The following AMY2B variants were observed in gnomAD, a reference collection of about 807,000 sequenced individuals.
AMY2B encodes alpha-amylase 2B.
AMY2B carries 63 observed loss-of-function variants against 59.3 expected under a neutral mutation model. The observed-to-expected ratio is 1.06, with a 90% CI of 0.87 to 1.31. AMY2B has a LOEUF of 1.31. Ranked by LOEUF, AMY2B falls within the 50% of genes most tolerant of loss-of-function variation. The probability of loss-of-function intolerance (pLI) is 0.00; values close to 1 mark genes in which losing one functional copy is unlikely to be tolerated. For synonymous variants in AMY2B, 180 were observed against 198.1 expected, an observed-to-expected ratio of 0.91 and a Z score of 0.77; for missense variants, 635 against 626.7, an observed-to-expected ratio of 1.01 and a Z score of -0.14.
At position 103,573,845 on chromosome 1, in the gene AMY2B, G is replaced by A; in HGVS notation, c.651G>A (p.Met217Ile). The stretch of plus-strand genomic sequence containing the variant: ...TCAGACTTGATGCTTCCAAGCACAT[G>A]TGGCCTGGAGACATAAAGGCAATTT... ...AGFRLDASKH[M>I]WPGDIKAILD... Residue 217 changes from methionine (M) to isoleucine (I), a missense_variant, in exon 4 of 10, where the codon ATG becomes ATA. By Grantham distance (10) the Met-to-Ile change is conservative. Transcript: ENST00000684275. 2 of 1,613,864 alleles carry A rather than the reference G, an allele frequency of 1.2e-6. No homozygotes were observed. Among genetic ancestry groups the A allele is most frequent in the Non-Finnish European group, 1.7e-6 (2 of 1,179,782 alleles).
chr1:103,562,683 T>G (rs1277572518), intron 1 of AMY2B, among the ~76,000 whole-genome samples: 1 of 151,380 alleles, frequency 6.6e-6, no homozygotes, highest in Non-Finnish European at 1.5e-5. Flanking sequence ...TTTTTTTTTT[T>G]TTTTTTTGTC....
Position 103,579,499 on chromosome 1 carries a change from A to T in AMY2B, c.1535A>T (p.Ter512LeuextTer?). ...FIAIHAESKL[*>L] ...GCAATTCATGCTGAATCTAAATTAT[A>T]AAATTTAAAATTAAATGCATATCCT... Residue 512 changes from the stop codon to leucine (L), a stop_lost, in exon 10 of 10, where the codon TAA becomes TTA. Transcript: ENST00000684275. 1 of 1,608,726 alleles carries T rather than the reference A, an allele frequency of 6.2e-7. No individual in the cohort carries two copies. Among genetic ancestry groups the T allele is most frequent in the Non-Finnish European group, 8.5e-7 (1 of 1,178,846 alleles).
upstream of AMY2B, chr1:103,571,191 G>A (rs1478949357): frequency 9.7e-5 from 76 of 786,902 alleles, no homozygotes; most frequent in South Asian, 1.4e-4. Flanking sequence ...GCTGTTACTC[G>A]CCTTGAGTTG....
At chr1:103,569,257 C>T (rs1048646056), upstream of AMY2B, 1 of 151,400 alleles carries the variant, frequency 6.6e-6, no homozygotes, top group Non-Finnish European at 1.5e-5. Flanking sequence ...TACACACACG[C>T]ACACACACAC....
chr1:103,579,122 A>G (rs1321830101), intron 9 of AMY2B, among the ~76,000 whole-genome samples, 189 bp from the exon 10 acceptor site: 7 of 152,310 alleles, frequency 4.6e-5, no homozygotes, highest in Middle Eastern at 3.4e-3. Flanking sequence ...GGGAACTGCT[A>G]CATTTTCTGT....
At position 103,572,138 on chromosome 1, in the gene AMY2B, T is replaced by A. The variant is rs1329304054; in HGVS notation, c.197T>A (p.Ile66Asn). Residue 66 changes from isoleucine to asparagine, a missense_variant, in exon 2 of 10, where the codon ATT becomes AAT. Coordinates refer to ENST00000684275, the MANE Select transcript of AMY2B (RefSeq NM_001387437.1). ...QVSPPNENVA[I>N]HNPFRPWWER... ...TCTCCACCAAATGAAAATGTTGCAA[T>A]TCACAACCCTTTCAGACCTTGGTGG... 4.3e-6 allele frequency: 7 copies of A among 1,611,736 alleles called. 1 individual carries two copies. In the South Asian group the frequency reaches 7.7e-5, roughly 18 times the overall value.
At chr1:103,578,825 T>C (rs192985193) in intron 9 of AMY2B, among the ~76,000 whole-genome samples, 3 of 147,412 alleles carry the variant, frequency 2.0e-5, no homozygotes, top group Non-Finnish European at 4.5e-5. Flanking sequence ...CCTTTAAAAA[T>C]TTTTTTTTAA....
chr1:103,576,249 C>T (rs1652348658), intron 7 of AMY2B, among the ~76,000 whole-genome samples: 2 of 152,092 alleles, frequency 1.3e-5, no homozygotes, highest in African/African-American at 2.4e-5. Flanking sequence ...AGCAGAAATT[C>T]CTCCTTCCTC....
exon 1 of AMY2B, chr1:103,555,048 C>T (rs182762025): frequency 3.3e-5 from 5 of 151,788 alleles, no homozygotes; most frequent in East Asian, 1.9e-4. Flanking sequence ...TTTTGAATCC[C>T]GTGTCCTTCA....
At chr1:103,569,469 CAGTA>C (rs1218977239), upstream of AMY2B, 3 of 222,710 alleles carry the variant, frequency 1.3e-5, no homozygotes, top group Non-Finnish European at 9.1e-6. Context: ...AAGATTTTAT[CAGTA>C]AGAAAAAACC....
intron 1 of AMY2B, among the ~76,000 whole-genome samples, chr1:103,559,593 A>G (rs1315902493): frequency 2.6e-5 from 4 of 152,236 alleles, no homozygotes; most frequent in Admixed American, 2.6e-4. Flanking sequence ...TATTTGCAAT[A>G]CATGACAAAC....
chr1:103,554,755 A>G (rs1352284673), exon 1 of AMY2B: 1 of 152,592 alleles, frequency 6.6e-6, no homozygotes, highest in African/African-American at 2.4e-5. Flanking sequence ...TGCTACTATT[A>G]TTAGATCTGT....
chr1:103,557,635 G>A (rs1651601415), intron 1 of AMY2B, among the ~76,000 whole-genome samples: 1 of 150,724 alleles, frequency 6.6e-6, no homozygotes, highest in African/African-American at 2.4e-5. Flanking sequence ...CTTCAGTGAT[G>A]GAGTTAGATT....
rs760164688 is a variant in AMY2B at position 103,572,068 on chromosome 1, A to G, written c.169-42A>G. On this transcript the variant is annotated intron_variant, in intron 1 of 9. Transcript: ENST00000684275. ...TAGTTTCTAGAACATTCAATGATATAGAGTAAGAATTTGGTAGTTATGAAG... is the reference window on the plus strand; with the variant it reads ...TAGTTTCTAGAACATTCAATGATATGGAGTAAGAATTTGGTAGTTATGAAG... The G allele has an allele frequency of 2.5e-5, 41 of 1,611,068 alleles. 1 individual carries two copies. The South Asian group carries it at 4.3e-4, about 17-fold the overall frequency.
At chr1:103,578,825 T>A (rs192985193) in intron 9 of AMY2B, among the ~76,000 whole-genome samples, 362 of 147,504 alleles carry the variant, frequency 2.5e-3, no homozygotes, top group Non-Finnish European at 3.4e-3. Flanking sequence ...CCTTTAAAAA[T>A]TTTTTTTTAA....
At chr1:103,557,190 A>T (rs950165106) in intron 1 of AMY2B, among the ~76,000 whole-genome samples, 85 of 152,096 alleles carry the variant, frequency 5.6e-4, no homozygotes, top group African/African-American at 1.9e-3. Flanking sequence ...ATACATACAT[A>T]CACACAAAAC....
chr1:103,571,852 G>A, intron 1 of AMY2B, 82 bp downstream of exon 1: 1 of 1,610,648 alleles, frequency 6.2e-7, no homozygotes. Context: ...TGAAGCTTAG[G>A]CAACATTTTA....
intron 2 of AMY2B, 75 bp from the exon 3 acceptor site, chr1:103,572,988 A>G (rs1652195243): frequency 2.5e-6 from 4 of 1,609,862 alleles, no homozygotes; most frequent in Middle Eastern, 2.2e-4. Flanking sequence ...TTAACATACT[A>G]TAAACTTGAA....
At chr1:103,571,486 T>C, upstream of AMY2B, 2 of 1,563,694 alleles carry the variant, frequency 1.3e-6, no homozygotes, top group Non-Finnish European at 1.7e-6. Flanking sequence ...CTTTTCAGAT[T>C]ATGAGTAAAC....
Sources: gnomAD v4.1 joint callset for allele counts (sites outside exome capture counted in the v4.1 genomes callset) on GRCh38, gnomAD v4.1.1 for gene constraint, MANE v1.5 for transcripts, NCBI Gene and HGNC (gene_info 2026-07-23, HGNC 2026-07-21) for gene names.